Variants in NIPSNAP1 observed in about 807,000 individuals in gnomAD.
The protein encoded by NIPSNAP1 is nipsnap homolog 1.
In NIPSNAP1, 25 loss-of-function variants were observed where a neutral mutation model predicts 49.2. The observed-to-expected ratio is 0.51, with a 90% CI of 0.37 to 0.71. The LOEUF (loss-of-function observed/expected upper bound fraction) is 0.71. Ranked by LOEUF, NIPSNAP1 falls within the 30% of genes least tolerant of loss-of-function variation. NIPSNAP1 has a pLI of 0.00. For synonymous variants in NIPSNAP1, 143 were observed against 140.7 expected, an observed-to-expected ratio of 1.02 and a Z score of -0.12; for missense variants, 294 against 361.0, an observed-to-expected ratio of 0.81 and a Z score of 1.50.
At chr22:29,574,289 A>AAAAAAAAAAAAAAAAAAAGAAAGAAAAAG (rs2064434492) in intron 1 of NIPSNAP1, among the ~76,000 whole-genome samples, 3 of 125,252 alleles carry the variant, frequency 2.4e-5, no homozygotes, top group African/African-American at 9.8e-5. Flanking sequence ...AAAAAAAAAA[A>AAAAAAAAAAAAAAAAAAAGAAAGAAAAAG]AAAGAAAGAA....
At chr22:29,561,900 G>C (rs907689563) in intron 4 of NIPSNAP1, 38 bp from the exon 5 acceptor site, 2 of 1,605,892 alleles carry the variant, frequency 1.2e-6, no homozygotes, top group African/African-American at 2.7e-5. Context: ...TGAGCTGCTG[G>C]GACCCCCAGC....
rs2064339368 is a variant in NIPSNAP1 at position 29,561,962 on chromosome 22, G to A, written c.368-100C>T. On this transcript the variant is annotated intron_variant, in intron 4 of 9. Transcript: ENST00000216121. ...TGGTGGGGACGGGGGAGGCGGGGTG[G>A]CCTGGTTCCCTGTAGCAGCAAGACT... is the stretch of plus-strand genomic sequence containing the variant. The A allele has an allele frequency of 3.9e-6, 4 of 1,013,000 alleles. No homozygotes were observed. In the East Asian group the frequency reaches 9.7e-5, roughly 24 times the overall value. The allele number at this position is 1,013,000 out of a possible 1,614,324, so 62.8% of individuals were successfully genotyped here.
chr22:29,559,732 C>T (rs546393979), intron 8 of NIPSNAP1, among the ~76,000 whole-genome samples: 5 of 152,142 alleles, frequency 3.3e-5, no homozygotes, highest in African/African-American at 1.2e-4. Context: ...CCTGTTGGTT[C>T]CACCTCTAGA....
In NIPSNAP1 at chr22:29,577,921, C is replaced by CA. The variant is rs1396967459; in HGVS notation, c.98+3063dup. On this transcript the variant is annotated intron_variant, in intron 1 of 9. Transcript: ENST00000216121. ...TTTTTTTTTTTTTTTTTTTTTGAGA[C>CA]AGAGTCTTGCTCTATCACCCAGGCT... Among the ~76,000 whole-genome samples the CA allele has an allele frequency of 6.8e-3, 859 of 126,828 alleles. 28 individuals are homozygous for CA. The highest frequency in any genetic ancestry group is 0.026 in the African/African-American group (822 of 31,334). The allele number at this position is 126,828 out of a possible 152,430, so 83.2% of individuals were successfully genotyped here.
intron 3 of NIPSNAP1, 40 bp from the exon 4 acceptor site, chr22:29,569,327 C>T: frequency 6.8e-7 from 1 of 1,472,566 alleles, no homozygotes. Context: ...TTCACATAGC[C>T]ACCAGGGCCT....
At chr22:29,561,398 A>G in intron 6 of NIPSNAP1, 108 bp downstream of exon 6, 1 of 1,532,120 alleles carries the variant, frequency 6.5e-7, no homozygotes, top group South Asian at 1.1e-5. Flanking sequence ...CTCTGAGCCC[A>G]TAGGGAGGGA....
chr22:29,567,242 T>C (rs1183428615), intron 4 of NIPSNAP1, among the ~76,000 whole-genome samples: 1 of 152,212 alleles, frequency 6.6e-6, no homozygotes, highest in Non-Finnish European at 1.5e-5. Flanking sequence ...GCCAAATTCA[T>C]GTGTGGGTTC....
chr22:29,572,562 A>G (rs1879091394), intron 1 of NIPSNAP1, among the ~76,000 whole-genome samples: 1 of 151,982 alleles, frequency 6.6e-6, no homozygotes, highest in Non-Finnish European at 1.5e-5. Flanking sequence ...TAATCCCAGC[A>G]CTTTGGGAGG....
At chr22:29,562,547 C>T (rs2064342808) in intron 4 of NIPSNAP1, among the ~76,000 whole-genome samples, 1 of 152,098 alleles carries the variant, frequency 6.6e-6, no homozygotes, top group Non-Finnish European at 1.5e-5. Context: ...CAAAATTAGC[C>T]AGGTGTGGTG....
At chr22:29,561,032 T>G in intron 7 of NIPSNAP1, 139 bp downstream of exon 7, 3 of 951,964 alleles carry the variant, frequency 3.2e-6, no homozygotes, top group Non-Finnish European at 5.0e-6. Flanking sequence ...GGCTGGATCC[T>G]TCTCCCAGAT....
Position 29,555,925 on chromosome 22 carries a change from G to T in NIPSNAP1, c.*10C>A, listed in dbSNP as rs1348378194. On this transcript the variant is annotated 3_prime_UTR_variant, in exon 10 of 10. Coordinates refer to ENST00000216121, the MANE Select transcript of NIPSNAP1 (RefSeq NM_003634.4). ...GGGAGAAGGGGAAGGAGGTGGAGGT[G>T]TAGGCAGCATCACTGCAGAGGCGAG... 14 of 1,551,138 alleles carry T rather than the reference G, an allele frequency of 9.0e-6. No individual in the cohort carries two copies. The highest frequency in any genetic ancestry group is 1.1e-5 in the Non-Finnish European group (13 of 1,146,448).
intron 2 of NIPSNAP1, 69 bp from the exon 3 acceptor site, chr22:29,570,276 G>T: frequency 6.2e-7 from 1 of 1,601,660 alleles, no homozygotes; most frequent in Non-Finnish European, 8.6e-7. Context: ...GGGGTGAGGG[G>T]AGCCCATCAA....
chr22:29,569,261 A>T lies in NIPSNAP1; in HGVS notation c.299T>A (p.Leu100Gln), dbSNP rs1298156042. Reference sequence around the variant, plus strand: ...GAGTGAGCATGGGTAGTCCTCATCCAGGTGAAGCTTGGGCAGCACAGCCTC... The same window carrying T: ...GAGTGAGCATGGGTAGTCCTCATCCTGGTGAAGCTTGGGCAGCACAGCCTC... The part of the protein sequence containing the change: ...LTEAVLPKLH[L>Q]DEDYPCSLVG... The change falls in exon 4 of 10, where the codon CTG (leucine) becomes CAG (glutamine). Residue 100 changes from leucine (L) to glutamine (Q), a missense_variant. This residue lies in a region of NIPSNAP1 where 55 missense variants were observed against 46.2 expected (regional missense o/e 1.19). Transcript: ENST00000216121. 1 of 1,614,032 alleles carries T rather than the reference A, an allele frequency of 6.2e-7. No homozygotes were observed. The highest frequency in any genetic ancestry group is 2.2e-5 in the East Asian group (1 of 44,874).
intron 9 of NIPSNAP1, among the ~76,000 whole-genome samples, chr22:29,557,925 G>C (rs1436692441): frequency 6.6e-6 from 1 of 152,120 alleles, no homozygotes; most frequent in Non-Finnish European, 1.5e-5. Flanking sequence ...ACTGACTCTA[G>C]GTGGTTTCAG....
At chr22:29,573,226 G>A (rs931202116) in intron 1 of NIPSNAP1, among the ~76,000 whole-genome samples, 4 of 151,928 alleles carry the variant, frequency 2.6e-5, no homozygotes, top group East Asian at 1.9e-4. Flanking sequence ...TAGTAGAGAC[G>A]GGGTTTTACT....
chr22:29,574,320 C>T (rs937943094), intron 1 of NIPSNAP1, among the ~76,000 whole-genome samples: 24 of 118,156 alleles, frequency 2.0e-4, no homozygotes, highest in African/African-American at 7.8e-4. Flanking sequence ...AAATAAATTA[C>T]TTGTCCCAAA....
At position 29,561,209 on chromosome 22, in the gene NIPSNAP1, G is replaced by C. The variant is rs747559643; in HGVS notation, c.580-7C>G. The C allele has an allele frequency of 6.2e-7, 1 of 1,613,186 alleles. No individual in the cohort carries two copies. Among genetic ancestry groups the C allele is most frequent in the Non-Finnish European group, 8.5e-7 (1 of 1,179,648 alleles). ...ACTCGATCATGGTTCCTGGCTGAAA[G>C]AGAACCAAAGGGATGATGGGAATGA... On this transcript the variant is annotated splice_region_variant and splice_polypyrimidine_tract_variant and intron_variant, in intron 6 of 9. Coordinates refer to ENST00000216121, the MANE Select transcript of NIPSNAP1 (RefSeq NM_003634.4).
At chr22:29,568,877 C>T (rs1471444926) in intron 4 of NIPSNAP1, among the ~76,000 whole-genome samples, 1 of 152,158 alleles carries the variant, frequency 6.6e-6, no homozygotes, top group Non-Finnish European at 1.5e-5. Context: ...AGAGAATGAG[C>T]AGTAGTCTGG....
intron 1 of NIPSNAP1, among the ~76,000 whole-genome samples, chr22:29,580,766 C>T (rs2064491781): frequency 6.6e-6 from 1 of 152,120 alleles, no homozygotes; most frequent in African/African-American, 2.4e-5. Flanking sequence ...ATCAGGTCCC[C>T]ATCACAGCCC....
Sources: allele counts gnomAD v4.1 joint callset (sites outside exome capture counted in the v4.1 genomes callset), GRCh38; gene constraint gnomAD v4.1.1; regional missense constraint gnomAD v4.1.1; transcripts MANE v1.5; gene names NCBI Gene and HGNC (gene_info 2026-07-23, HGNC 2026-07-21).